Variants in ECE1 observed in about 807,000 individuals in gnomAD.
ECE1 encodes endothelin-converting enzyme 1.
Under a neutral mutation model 98.6 loss-of-function variants are expected in ECE1, and 35 were observed. The observed-to-expected ratio is 0.35, with a 90% CI of 0.27 to 0.47. The LOEUF (loss-of-function observed/expected upper bound fraction) is 0.47. Ranked by LOEUF, ECE1 falls within the 20% of genes least tolerant of loss-of-function variation. The pLI is 1.00. For missense variants in ECE1, 814 were observed against 1,025.3 expected, an observed-to-expected ratio of 0.79 and a Z score of 2.81; for synonymous variants, 394 against 407.1, an observed-to-expected ratio of 0.97 and a Z score of 0.39.
intron 9 of ECE1, among the ~76,000 whole-genome samples, 154 bp downstream of exon 9, chr1:21,247,067 C>G (rs1382873878): frequency 6.6e-6 from 1 of 152,208 alleles, no homozygotes; most frequent in Admixed American, 6.5e-5. Context: ...GGATTTAAAC[C>G]TGTGCCTGTA....
At chr1:21,242,855 G>A (rs145067067) in intron 10 of ECE1, among the ~76,000 whole-genome samples, 4 of 152,296 alleles carry the variant, frequency 2.6e-5, no homozygotes, top group East Asian at 3.9e-4. Context: ...GTGATAGCTC[G>A]CTGCAGCCTT....
intron 8 of ECE1, among the ~76,000 whole-genome samples, chr1:21,253,485 G>C (rs879607418): frequency 6.7e-6 from 1 of 149,800 alleles, no homozygotes; most frequent in East Asian, 2.0e-4. Context: ...ACCACAGGCC[G>C]GGCGCGGTGG....
chr1:21,237,966 A>G (rs998192179), intron 11 of ECE1, among the ~76,000 whole-genome samples, 168 bp downstream of exon 11: 1 of 152,212 alleles, frequency 6.6e-6, no homozygotes, highest in African/African-American at 2.4e-5. Flanking sequence ...TGAGACTCCC[A>G]TTACCCAGGG....
intron 3 of ECE1, among the ~76,000 whole-genome samples, chr1:21,277,092 C>T (rs1315752393): frequency 6.6e-6 from 1 of 152,102 alleles, no homozygotes. Context: ...AATGAGGTTA[C>T]TGTTAATATC....
chr1:21,323,333 G>A (rs912983542), intron 1 of ECE1, among the ~76,000 whole-genome samples: 1 of 152,172 alleles, frequency 6.6e-6, no homozygotes, highest in African/African-American at 2.4e-5. Flanking sequence ...AGCCCTGACT[G>A]CAGGCCGGAT....
At chr1:21,266,395 G>A (rs1429404616) in intron 4 of ECE1, 3 of 152,166 alleles carry the variant, frequency 2.0e-5, no homozygotes, top group Non-Finnish European at 4.4e-5. Flanking sequence ...ACAGGCCTCA[G>A]GAGCCCCATC....
At chr1:21,332,483 T>A (rs1222318984) in intron 1 of ECE1, among the ~76,000 whole-genome samples, 4 of 147,228 alleles carry the variant, frequency 2.7e-5, no homozygotes, top group African/African-American at 1.0e-4. Flanking sequence ...AAATAGAGGC[T>A]AAGAATTAAG....
Position 21,316,765 on chromosome 1 carries a change from A to G in ECE1, c.4-26609T>C, listed in dbSNP as rs995263057. On this transcript the variant is annotated intron_variant, in intron 1 of 18. Coordinates refer to the ECE1 transcript ENST00000415912. ...ATCATGGGATGGAATACTACACGGT[A>G]ATGAAAACCAAGTGGCTGCAACTCA... 2.6e-5 allele frequency among the ~76,000 whole-genome samples: 4 copies of G among 152,212 alleles called. No homozygotes were observed. In the East Asian group the frequency reaches 7.7e-4, roughly 29 times the overall value.
At chr1:21,296,549 A>C (rs1638360366) in intron 1 of ECE1, among the ~76,000 whole-genome samples, 1 of 152,120 alleles carries the variant, frequency 6.6e-6, no homozygotes, top group South Asian at 2.1e-4. Context: ...AAATAAAATA[A>C]AGTAAAACAA....
At chr1:21,295,830 C>T (rs1166053779) in intron 1 of ECE1, among the ~76,000 whole-genome samples, 2 of 152,206 alleles carry the variant, frequency 1.3e-5, no homozygotes, top group Non-Finnish European at 2.9e-5. Context: ...TAAGACAGAC[C>T]TGAGCCCACT....
intron 1 of ECE1, among the ~76,000 whole-genome samples, chr1:21,339,737 G>A (rs958848361): frequency 1.3e-5 from 2 of 152,294 alleles, no homozygotes; most frequent in African/African-American, 4.8e-5. Context: ...CCACCTAGCC[G>A]ATTTCCTGAA....
chr1:21,328,527 C>T (rs11585389), intron 1 of ECE1, among the ~76,000 whole-genome samples: 7,413 of 152,130 alleles, frequency 0.049, 624 homozygotes, highest in African/African-American at 0.17. Flanking sequence ...TTTGGGAGGC[C>T]GAGGTGGGTG....
At chr1:21,273,739 C>A (rs979799660) in intron 3 of ECE1, among the ~76,000 whole-genome samples, 10 of 152,196 alleles carry the variant, frequency 6.6e-5, no homozygotes, top group Non-Finnish European at 1.5e-4. Context: ...GACTTAATCA[C>A]AGCTACTTGG....
chr1:21,289,723 C>T (rs1362251031), intron 2 of ECE1, among the ~76,000 whole-genome samples: 1 of 151,914 alleles, frequency 6.6e-6, no homozygotes, highest in African/African-American at 2.4e-5. Flanking sequence ...AGGGCCTGGG[C>T]AAGTCCCGGG....
intron 8 of ECE1, among the ~76,000 whole-genome samples, chr1:21,250,729 C>G (rs1354993240): frequency 6.6e-6 from 1 of 152,202 alleles, no homozygotes; most frequent in Admixed American, 6.5e-5. Flanking sequence ...ATGCTGAGGC[C>G]GGGCGCGGTG....
Position 21,322,376 on chromosome 1 carries a change from T to G in ECE1, c.3+23000A>C, listed in dbSNP as rs1428929879. On this transcript the variant is annotated intron_variant, in intron 1 of 18. Coordinates refer to the ECE1 transcript ENST00000415912. This position sits in a 1 kb window ranked among gnomAD's most constrained non-coding sequence, Gnocchi z 4.1. The stretch of plus-strand genomic sequence containing the variant: ...CAACCATGGGCACCTTGTGGAGGAC[T>G]TGGTAGCCCTTAGCCCAGCAGACGC... Among the ~76,000 whole-genome samples the G allele has an allele frequency of 2.6e-5, 4 of 152,192 alleles. No individual in the cohort carries two copies. Among genetic ancestry groups the G allele is most frequent in the Non-Finnish European group, 5.9e-5 (4 of 68,030 alleles).
At position 21,322,122 on chromosome 1, in the gene ECE1, A is replaced by G. The variant is rs213022; in HGVS notation, c.3+23254T>C. The stretch of plus-strand genomic sequence containing the variant: ...ACTGCTGCCCCACCTGGCTCATGTC[A>G]GGAGCTGGAACAACTTCTGAAGTCA... On this transcript the variant is annotated intron_variant, in intron 1 of 18. Coordinates refer to the ECE1 transcript ENST00000415912. The surrounding 1 kb of genome is among the most constrained non-coding windows in gnomAD (Gnocchi z 4.1). Among the ~76,000 whole-genome samples the G allele has an allele frequency of 0.53, 80,544 of 151,864 alleles. 22,370 individuals are homozygous for G. Among genetic ancestry groups the G allele is most frequent in the African/African-American group, 0.71 (29,244 of 41,374 alleles).
chr1:21,268,737 GT>G (rs2098236976), intron 4 of ECE1, among the ~76,000 whole-genome samples: 1 of 152,192 alleles, frequency 6.6e-6, no homozygotes, highest in Non-Finnish European at 1.5e-5. Context: ...TCCGACGCCT[GT>G]TGGCTGACCC....
rs1252343566 is a variant in ECE1, at chr1:21,268,893, C to T, written c.493+3806G>A. On this transcript the variant is annotated intron_variant, in intron 4 of 18. Coordinates refer to ENST00000374893, the MANE Select transcript of ECE1 (RefSeq NM_001397.3). Reference sequence around the variant, plus strand: ...ATCAAAGTCCCAGGTATCAAGCCCACAGGTGAGGGGCCATTTCCAGACTAG... The same window carrying T: ...ATCAAAGTCCCAGGTATCAAGCCCATAGGTGAGGGGCCATTTCCAGACTAG... 3.3e-5 allele frequency among the ~76,000 whole-genome samples: 5 copies of T among 152,212 alleles called. No homozygotes were observed. In the South Asian group the frequency reaches 1.0e-3, roughly 32 times the overall value.
Sources: gnomAD v4.1 joint callset for allele counts (sites outside exome capture counted in the v4.1 genomes callset) on GRCh38, gnomAD v4.1.1 for gene constraint, Gnocchi (gnomAD v3.1) non-coding constraint, MANE v1.5 for transcripts, NCBI Gene and HGNC (gene_info 2026-07-23, HGNC 2026-07-21) for gene names.